LGI1: variants seen among roughly 807,000 people sequenced by gnomAD.
The protein encoded by LGI1 is leucine rich glioma inactivated 1, also known as leucine-rich glioma-inactivated protein 1.
Under a neutral mutation model 57.7 loss-of-function variants are expected in LGI1, and 11 were observed. The ratio of observed to expected loss-of-function variants is 0.19; its 90% CI spans 0.12 to 0.32. The LOEUF (loss-of-function observed/expected upper bound fraction) is 0.32, where lower values mean the gene tolerates loss of function less well. Among genes scored for constraint, LGI1 ranks in the 10% least tolerant of loss-of-function variants. The probability of loss-of-function intolerance (pLI) is 1.00; values close to 1 mark genes in which losing one functional copy is unlikely to be tolerated. For synonymous variants in LGI1, 222 were observed against 241.9 expected (o/e 0.92, Z 0.76); for missense variants, 422 against 661.9 (o/e 0.64, Z 3.98).
In LGI1 at chr10:93,758,047, A is replaced by C; in HGVS notation, c.-98A>C. 5.8e-6 allele frequency: 6 copies of C among 1,039,426 alleles called. No homozygotes were observed. The highest frequency in any genetic ancestry group is 1.9e-5 in the Admixed American group (1 of 52,122). 64.4% of individuals were successfully genotyped at this position (1,039,426 alleles called of 1,614,324 possible). A position where few individuals can be genotyped will look rare whatever the true frequency, so the allele number is the denominator to read the frequency against. On this transcript the variant is annotated 5_prime_UTR_variant, in exon 1 of 8. Coordinates refer to ENST00000371418, the MANE Select transcript of LGI1 (RefSeq NM_005097.4). This position sits in a 1 kb window ranked among gnomAD's most constrained non-coding sequence, Gnocchi z 4.7. ...AAAAGCAGAGATACAGAGGCAGAGG[A>C]AAAGGGTGGACTCCTATGTGACCTG...
In LGI1 at chr10:93,797,662, T is replaced by G. The variant is rs1160215109; in HGVS notation, c.1533T>G (p.Phe511Leu). 1 of 1,614,048 alleles carries G rather than the reference T, an allele frequency of 6.2e-7. No homozygotes were observed. Among genetic ancestry groups the G allele is most frequent in the African/African-American group, 1.3e-5 (1 of 74,940 alleles). The change falls in exon 8 of 8, where the codon TTT becomes TTG. Residue 511 changes from phenylalanine to leucine, a missense_variant. This residue lies in a region of LGI1 where 301 missense variants were observed against 461.7 expected (regional missense o/e 0.65). Transcript: ENST00000371418. The surrounding 1 kb of genome is among the most constrained non-coding windows in gnomAD (Gnocchi z 6.5). ...ACTGGGATGCAGAGAAAGCCAAATT[T>G]GTGAAATTTCAGGAATTAAATGTTC... ...VYNWDAEKAK[F>L]VKFQELNVQA... is the part of the protein sequence containing the mutation.
intron 2 of LGI1, among the ~76,000 whole-genome samples, chr10:93,766,425 T>A (rs1482414362): frequency 6.6e-6 from 1 of 152,106 alleles, no homozygotes; most frequent in Non-Finnish European, 1.5e-5. Context: ...ATTGCCAGTT[T>A]ACAAGCCACG....
intron 2 of LGI1, among the ~76,000 whole-genome samples, chr10:93,761,065 G>T (rs928997893): frequency 1.3e-5 from 2 of 152,042 alleles, no homozygotes; most frequent in South Asian, 4.2e-4. Flanking sequence ...CTCAGGAAAA[G>T]GTCTAATAAA....
chr10:93,796,493 G>A (rs2059980924), intron 7 of LGI1, among the ~76,000 whole-genome samples: 1 of 152,158 alleles, frequency 6.6e-6, no homozygotes, highest in African/African-American at 2.4e-5. Context: ...TCTGCTACCA[G>A]AACAGCCTCT....
intron 4 of LGI1, among the ~76,000 whole-genome samples, chr10:93,785,273 A>G (rs2059885976): frequency 6.6e-6 from 1 of 152,210 alleles, no homozygotes; most frequent in Non-Finnish European, 1.5e-5. Flanking sequence ...AACAAAGAAA[A>G]AGATTAGTTT....
chr10:93,765,204 G>C (rs1221461082), intron 2 of LGI1: 2 of 152,146 alleles, frequency 1.3e-5, no homozygotes, highest in African/African-American at 4.8e-5. Context: ...CAATAGTTTG[G>C]GTAGGTCACA....
intron 4 of LGI1, chr10:93,783,178 C>T (rs1364791893): frequency 2.0e-5 from 3 of 151,980 alleles, no homozygotes; most frequent in African/African-American, 7.3e-5. Context: ...AGATCGAGAC[C>T]ATCCTGGCTA....
At position 93,793,254 on chromosome 10, in the gene LGI1, G is replaced by A; in HGVS notation, c.742G>A (p.Glu248Lys). 1.9e-6 allele frequency: 3 copies of A among 1,612,950 alleles called. No individual in the cohort carries two copies. Among genetic ancestry groups the A allele is most frequent in the Non-Finnish European group, 2.5e-6 (3 of 1,179,036 alleles). The stretch of plus-strand genomic sequence containing the variant: ...AGACACTTTTTCTTATTTGAATGAT[G>A]AGTATGTAGTCATCGCTCAGCCTTT... ...SIDTFSYLND[E>K]YVVIAQPFTG... The change falls in exon 7 of 8, where the codon GAG becomes AAG. Residue 248 changes from glutamate to lysine, a missense_variant. Coordinates refer to ENST00000371418, the MANE Select transcript of LGI1 (RefSeq NM_005097.4).
At position 93,769,881 on chromosome 10, in the gene LGI1, C is replaced by T. The variant is rs534233455; in HGVS notation, c.288-7498C>T. On this transcript the variant is annotated intron_variant, in intron 2 of 7. Coordinates refer to ENST00000371418, the MANE Select transcript of LGI1 (RefSeq NM_005097.4). The stretch of plus-strand genomic sequence containing the variant: ...CAGGAAAATCTGCTCTAGGCTGAAA[C>T]ATGGGATGTAGGCCACTCATGGGCC... The T allele has an allele frequency of 2.6e-5, 4 of 152,266 alleles. No homozygotes were observed. The East Asian group carries it at 7.7e-4, about 29-fold the overall frequency. The allele number at this position is 152,266 out of a possible 1,614,324, so 9.4% of individuals were successfully genotyped here.
intron 4 of LGI1, among the ~76,000 whole-genome samples, chr10:93,783,268 C>G (rs1047110994): frequency 2.6e-5 from 4 of 152,022 alleles, no homozygotes; most frequent in Admixed American, 6.6e-5. Context: ...CCCAGCTACT[C>G]GGGAGGCTGA....
In LGI1 at chr10:93,779,239, A is replaced by G. The variant is rs112532569; in HGVS notation, c.431+1622A>G. Among the ~76,000 whole-genome samples, 860 of 151,318 alleles carry G rather than the reference A, an allele frequency of 5.7e-3. 11 individuals are homozygous for G. The highest frequency in any genetic ancestry group is 0.02 in the African/African-American group (821 of 40,652). ...ATCCCAATCCACATGGCCTCTGTCC[A>G]GTGCTTAGCATCATGAGAGCTGTAG... On this transcript the variant is annotated intron_variant, in intron 4 of 7. Coordinates refer to ENST00000371418, the MANE Select transcript of LGI1 (RefSeq NM_005097.4).
intron 7 of LGI1, among the ~76,000 whole-genome samples, chr10:93,795,010 G>T (rs2059968243): frequency 6.6e-6 from 1 of 151,766 alleles, no homozygotes; most frequent in Non-Finnish European, 1.5e-5. Context: ...CCTCTCTGAA[G>T]GAAGAAGGTC....
At chr10:93,761,757 AT>A (rs1312518151) in intron 2 of LGI1, among the ~76,000 whole-genome samples, 1 of 152,214 alleles carries the variant, frequency 6.6e-6, no homozygotes, top group African/African-American at 2.4e-5. Flanking sequence ...TGTAATATAC[AT>A]TTTTTAAAAA....
At chr10:93,779,979 C>A (rs564444538) in intron 4 of LGI1, among the ~76,000 whole-genome samples, 5 of 152,194 alleles carry the variant, frequency 3.3e-5, no homozygotes, top group African/African-American at 9.7e-5. Context: ...TGTTTTTTAT[C>A]TACAAAAATG....
intron 5 of LGI1, chr10:93,791,476 T>C (rs2059937790): frequency 6.6e-6 from 1 of 152,232 alleles, no homozygotes. Flanking sequence ...AATCCCAAGA[T>C]GGGTTTAGCC....
At chr10:93,774,423 G>A (rs1033851340) in intron 2 of LGI1, among the ~76,000 whole-genome samples, 12 of 151,988 alleles carry the variant, frequency 7.9e-5, no homozygotes, top group African/African-American at 2.9e-4. Flanking sequence ...AACTTATCTT[G>A]GTGGGTTTTC....
Position 93,797,935 on chromosome 10 carries a change from C to A in LGI1, c.*132C>A. Reference sequence around the variant, plus strand: ...AAACATTGAGACTGCTAGAACCAAGCACTACCAGTATCTCCATCCTTAACT... The same window carrying A: ...AAACATTGAGACTGCTAGAACCAAGAACTACCAGTATCTCCATCCTTAACT... On this transcript the variant is annotated 3_prime_UTR_variant, in exon 8 of 8. Coordinates refer to ENST00000371418, the MANE Select transcript of LGI1 (RefSeq NM_005097.4). This position sits in a 1 kb window ranked among gnomAD's most constrained non-coding sequence, Gnocchi z 6.5. 1.4e-6 allele frequency: 1 copy of A among 730,924 alleles called. No homozygotes were observed. The allele number at this position is 730,924 out of a possible 1,614,324, so 45.3% of individuals were successfully genotyped here.
At chr10:93,795,375 G>A (rs879526757) in intron 7 of LGI1, among the ~76,000 whole-genome samples, 18 of 152,084 alleles carry the variant, frequency 1.2e-4, no homozygotes, top group Admixed American at 2.6e-4. Flanking sequence ...CTTCAAAGAC[G>A]GTGCCTTCTC....
Position 93,786,157 on chromosome 10 carries a change from C to T in LGI1, c.432-3942C>T, listed in dbSNP as rs2059891896. 4.3e-5 allele frequency among the ~76,000 whole-genome samples: 2 copies of T among 46,742 alleles called. 1 individual carries two copies. The highest frequency in any genetic ancestry group is 6.0e-5 in the African/African-American group (2 of 33,552). The allele number at this position is 46,742 out of a possible 152,430, so 30.7% of individuals were successfully genotyped here. On this transcript the variant is annotated intron_variant, in intron 4 of 7. Coordinates refer to ENST00000371418, the MANE Select transcript of LGI1 (RefSeq NM_005097.4). ...TCCCTAAAGGGTGAGGGCCTGAAAC[C>T]GCATGAGAGTTTTCTAGGAAACAGG...
Sources: allele counts gnomAD v4.1 joint callset (sites outside exome capture counted in the v4.1 genomes callset), GRCh38; gene constraint gnomAD v4.1.1; regional missense constraint gnomAD v4.1.1; non-coding constraint Gnocchi (gnomAD v3.1); transcripts MANE v1.5; gene names NCBI Gene and HGNC (gene_info 2026-07-23, HGNC 2026-07-21).